SLF2: variants seen among roughly 807,000 people sequenced by gnomAD.
The protein encoded by SLF2 is SMC5-SMC6 complex localization factor protein 2.
In SLF2, 68 loss-of-function variants were observed where a neutral mutation model predicts 124.3. That is an observed-to-expected ratio of 0.55 (90% CI 0.45 to 0.67). SLF2 has a LOEUF of 0.67. Among genes scored for constraint, SLF2 ranks in the 30% least tolerant of loss-of-function variants. SLF2 has a pLI of 0.00. For synonymous variants in SLF2, 480 were observed against 478.8 expected, an observed-to-expected ratio of 1.00 and a Z score of -0.03; for missense variants, 1,246 against 1,373.7, an observed-to-expected ratio of 0.91 and a Z score of 1.47.
chr10:100,929,106 A>G (rs1250298160), intron 6 of SLF2, among the ~76,000 whole-genome samples: 2 of 152,180 alleles, frequency 1.3e-5, no homozygotes, highest in African/African-American at 4.8e-5. Context: ...GTAACTGGGT[A>G]AAAGCCTAGC....
At chr10:100,931,608 A>G (rs1403009401) in intron 9 of SLF2, among the ~76,000 whole-genome samples, 1 of 152,192 alleles carries the variant, frequency 6.6e-6, no homozygotes, top group Non-Finnish European at 1.5e-5. Flanking sequence ...TTTAAATATC[A>G]GTGGTATCAT....
At chr10:100,938,800 G>T in intron 11 of SLF2, 64 bp downstream of exon 11, 1 of 1,369,476 alleles carries the variant, frequency 7.3e-7, no homozygotes, top group African/African-American at 1.5e-5. Context: ...TATAATTATA[G>T]CTAAAGTTTA....
intron 9 of SLF2, among the ~76,000 whole-genome samples, chr10:100,932,867 C>T (rs907530723): frequency 8.6e-5 from 11 of 128,546 alleles, no homozygotes; most frequent in East Asian, 3.9e-4. Flanking sequence ...GAAGGTCTTG[C>T]GGTTAAGGTA....
intron 11 of SLF2, among the ~76,000 whole-genome samples, chr10:100,939,170 A>AT (rs1246626532): frequency 6.6e-6 from 1 of 152,236 alleles, no homozygotes; most frequent in Non-Finnish European, 1.5e-5. Context: ...GTGTCTGGGT[A>AT]TAAAATTAGT....
At chr10:100,961,784 G>A in intron 19 of SLF2, 93 bp from the exon 20 acceptor site, 1 of 1,052,500 alleles carries the variant, frequency 9.5e-7, no homozygotes. Context: ...TCTTATCAAA[G>A]CCCATTGTCT....
At chr10:100,943,677 T>C (rs10883565) in intron 11 of SLF2, 42,748 of 165,596 alleles carry the variant, frequency 0.26, 6,373 homozygotes, top group East Asian at 0.57. Context: ...CATAGCTCTC[T>C]AACACCAACA....
At chr10:100,950,654 A>G (rs889764590) in intron 16 of SLF2, 22 bp from the exon 17 acceptor site, 7 of 1,590,870 alleles carry the variant, frequency 4.4e-6, no homozygotes, top group Non-Finnish European at 6.0e-6. Flanking sequence ...ATAGGTGTTA[A>G]TTTTATTCAT....
rs1410783569 is a variant in SLF2 at position 100,937,387 on chromosome 10, C to G, written c.2437-15C>G. The G allele has an allele frequency of 6.3e-7, 1 of 1,589,806 alleles. No individual in the cohort carries two copies. The highest frequency in any genetic ancestry group is 8.6e-7 in the Non-Finnish European group (1 of 1,158,520). ...CTTTCTTCTTAATATCCTGTCATTTCTCTGCTTTTGACAGATGATGTCAGT... is the reference window on the plus strand; with the variant it reads ...CTTTCTTCTTAATATCCTGTCATTTGTCTGCTTTTGACAGATGATGTCAGT... On this transcript the variant is annotated splice_polypyrimidine_tract_variant and intron_variant, in intron 9 of 19. Coordinates refer to ENST00000238961, the MANE Select transcript of SLF2 (RefSeq NM_018121.4).
chr10:100,914,898 C>T (rs1351652566), intron 1 of SLF2, among the ~76,000 whole-genome samples: 1 of 152,126 alleles, frequency 6.6e-6, no homozygotes, highest in Admixed American at 6.5e-5. Context: ...ATTCCAACCT[C>T]ATAGTGGATG....
chr10:100,925,852 A>C, intron 5 of SLF2, 97 bp from the exon 6 acceptor site: 1 of 1,176,462 alleles, frequency 8.5e-7, no homozygotes, highest in Non-Finnish European at 1.2e-6. Flanking sequence ...CAGATTATTG[A>C]AATAGAAAAT....
Position 100,963,718 on chromosome 10 carries a change from G to A in SLF2, c.*1806G>A, listed in dbSNP as rs1850464725. The stretch of plus-strand genomic sequence containing the variant: ...GTATAAAATACTGCTTATATTGCTT[G>A]TAATTTACAGTGTGTAAATATTTTC... On this transcript the variant is annotated 3_prime_UTR_variant, in exon 20 of 20. Transcript: ENST00000238961. The A allele has an allele frequency of 6.6e-6, 1 of 152,064 alleles. No homozygotes were observed. The allele number at this position is 152,064 out of a possible 1,614,324, so 9.4% of individuals were successfully genotyped here.
At chr10:100,932,703 G>C (rs1019965921) in intron 9 of SLF2, among the ~76,000 whole-genome samples, 1 of 75,292 alleles carries the variant, frequency 1.3e-5, no homozygotes, top group African/African-American at 4.2e-5. Context: ...GTGTGTGTGT[G>C]TGTGTGTGTG....
chr10:100,930,123 T>C lies in SLF2; in HGVS notation c.2333+126T>C, dbSNP rs146144950. ...CCTATTAAGTTTCCTAATCCTCTTA[T>C]TACTATTGATCTTTATGTTTTCTTC... On this transcript the variant is annotated intron_variant, in intron 8 of 19. Coordinates refer to ENST00000238961, the MANE Select transcript of SLF2 (RefSeq NM_018121.4). The C allele has an allele frequency of 6.6e-4, 366 of 555,212 alleles. 1 individual carries two copies. The highest frequency in any genetic ancestry group is 6.2e-3 in the African/African-American group (320 of 51,902). 34.4% of individuals were successfully genotyped at this position (555,212 alleles called of 1,614,324 possible).
At chr10:100,954,119 T>C (rs1423790622) in intron 17 of SLF2, among the ~76,000 whole-genome samples, 1 of 150,224 alleles carries the variant, frequency 6.7e-6, no homozygotes, top group Non-Finnish European at 1.5e-5. Context: ...TAACCGGGCA[T>C]GGTGATGCAT....
At chr10:100,930,905 T>C (rs1849719848) in intron 8 of SLF2, 71 bp from the exon 9 acceptor site, 5 of 1,114,336 alleles carry the variant, frequency 4.5e-6, no homozygotes, top group Non-Finnish European at 6.8e-6. Flanking sequence ...ATGTCAGATG[T>C]GTTGGTGGTG....
chr10:100,961,831 T>C, intron 19 of SLF2, 46 bp from the exon 20 acceptor site: 1 of 1,551,904 alleles, frequency 6.4e-7, no homozygotes. Context: ...ATTCATAATA[T>C]GATTAAATTT....
chr10:100,923,420 C>T (rs1198916662), intron 4 of SLF2, among the ~76,000 whole-genome samples: 1 of 152,100 alleles, frequency 6.6e-6, no homozygotes. Flanking sequence ...TGTATTTTCA[C>T]CTTGTATTCC....
At chr10:100,938,505 T>C (rs1008043727) in intron 10 of SLF2, 90 bp from the exon 11 acceptor site, 13 of 1,255,732 alleles carry the variant, frequency 1.0e-5, no homozygotes, top group Admixed American at 2.4e-5. Flanking sequence ...ACCATTGTAA[T>C]TATTCATGTT....
In SLF2 at chr10:100,930,159, G is replaced by A. The variant is rs370245359; in HGVS notation, c.2333+162G>A. Reference sequence around the variant, plus strand: ...CTTTATGTTTTCTTCTTTAATTATAGGAAGCAGTGTAGGATAGTTGTTTGA... The same window carrying A: ...CTTTATGTTTTCTTCTTTAATTATAAGAAGCAGTGTAGGATAGTTGTTTGA... On this transcript the variant is annotated intron_variant, in intron 8 of 19. Coordinates refer to ENST00000238961, the MANE Select transcript of SLF2 (RefSeq NM_018121.4). Among the ~76,000 whole-genome samples, 31 of 152,144 alleles carry A rather than the reference G, an allele frequency of 2.0e-4. No homozygotes were observed. The East Asian group carries it at 5.8e-3, about 28-fold the overall frequency.
Sources: gnomAD v4.1 joint callset for allele counts (sites outside exome capture counted in the v4.1 genomes callset) on GRCh38, gnomAD v4.1.1 for gene constraint, MANE v1.5 for transcripts, NCBI Gene and HGNC (gene_info 2026-07-23, HGNC 2026-07-21) for gene names.